FOXN3: variants seen among roughly 807,000 people sequenced by gnomAD.
The protein encoded by FOXN3 is forkhead box N3, also known as forkhead box protein N3.
In FOXN3, 7 loss-of-function variants were observed where a neutral mutation model predicts 38.4. The observed-to-expected ratio is 0.18, with a 90% CI of 0.10 to 0.34. The LOEUF (loss-of-function observed/expected upper bound fraction) is 0.34. FOXN3 is among the 10% of genes least tolerant of loss of function. The pLI, the probability that FOXN3 is intolerant of heterozygous loss-of-function variation, is 1.00. For synonymous variants in FOXN3, 230 were observed against 242.2 expected, an observed-to-expected ratio of 0.95 and a Z score of 0.47; for missense variants, 456 against 613.4, an observed-to-expected ratio of 0.74 and a Z score of 2.71.
intron 4 of FOXN3, 83 bp downstream of exon 4, chr14:89,280,867 C>T (rs2139917341): frequency 8.1e-7 from 1 of 1,232,098 alleles, no homozygotes; most frequent in South Asian, 1.3e-5. Flanking sequence ...CAGAACTGTC[C>T]TATTTGACAC....
At chr14:89,222,851 G>A (rs1407219177) in intron 4 of FOXN3, among the ~76,000 whole-genome samples, 1 of 152,042 alleles carries the variant, frequency 6.6e-6, no homozygotes, top group Non-Finnish European at 1.5e-5. Flanking sequence ...AAATAATTGG[G>A]GGCAAAAGTT....
intron 1 of FOXN3, among the ~76,000 whole-genome samples, chr14:89,476,756 T>C (rs571014681): frequency 6.6e-5 from 10 of 152,296 alleles, no homozygotes; most frequent in Admixed American, 4.6e-4. Context: ...CCGATGCCTG[T>C]TTATCTTTTC....
At chr14:89,291,705 A>C (rs191171006) in intron 3 of FOXN3, 3 of 379,556 alleles carry the variant, frequency 7.9e-6, no homozygotes, top group African/African-American at 6.3e-5. Context: ...CTGAAGTTTC[A>C]TCACATTCCC....
chr14:89,225,346 T>G (rs754278591), intron 4 of FOXN3, among the ~76,000 whole-genome samples: 3 of 151,584 alleles, frequency 2.0e-5, no homozygotes, highest in Non-Finnish European at 2.9e-5. Context: ...GGCTCATGCC[T>G]GTAATCCCAG....
At chr14:89,360,145 C>T (rs917734765) in intron 2 of FOXN3, among the ~76,000 whole-genome samples, 3 of 152,242 alleles carry the variant, frequency 2.0e-5, no homozygotes, top group Non-Finnish European at 4.4e-5. Flanking sequence ...ACTGGCCTTG[C>T]GTTTCTGCCC....
At chr14:89,292,913 T>C (rs369914400) in intron 3 of FOXN3, among the ~76,000 whole-genome samples, 1 of 152,176 alleles carries the variant, frequency 6.6e-6, no homozygotes, top group East Asian at 1.9e-4. Context: ...CTGTTACTTT[T>C]GACAATACTC....
intron 4 of FOXN3, among the ~76,000 whole-genome samples, chr14:89,254,309 G>A (rs573270046): frequency 1.3e-5 from 2 of 152,340 alleles, no homozygotes; most frequent in East Asian, 3.9e-4. Flanking sequence ...AAGGCTGCTT[G>A]AATTGCCTGA....
chr14:89,378,629 CA>C (rs200268431), intron 2 of FOXN3, among the ~76,000 whole-genome samples: 19 of 145,682 alleles, frequency 1.3e-4, no homozygotes, highest in African/African-American at 3.0e-4. Flanking sequence ...CCTTTTGGAA[CA>C]AAAAAAATGC....
chr14:89,184,396 C>T (rs976937161), intron 4 of FOXN3, among the ~76,000 whole-genome samples: 1 of 152,206 alleles, frequency 6.6e-6, no homozygotes, highest in Non-Finnish European at 1.5e-5. Context: ...AAAAGCACCC[C>T]TGGGGAGAGT....
chr14:89,412,421 G>C lies in FOXN3; in HGVS notation c.56C>G (p.Ser19Cys). The change falls in exon 2 of 6, where the codon TCC becomes TGC. Residue 19 changes from serine (S) to cysteine (C), a missense_variant. By Grantham distance (112) the Ser-to-Cys change is moderately radical. Transcript: ENST00000557258. The surrounding 1 kb of genome is among the most constrained non-coding windows in gnomAD (Gnocchi z 4.7). ...KKPESSGISVSSGLSQCYGGS... is the reference protein window; with the variant it reads ...KKPESSGISVCSGLSQCYGGS... ...CCCGTAACACTGACTCAGTCCACTG[G>C]AGACACTAATTCCTGAGCTTTCTGG... is the stretch of plus-strand genomic sequence containing the variant. 1.9e-6 allele frequency: 3 copies of C among 1,613,952 alleles called. No homozygotes were observed. Among genetic ancestry groups the C allele is most frequent in the Non-Finnish European group, 2.5e-6 (3 of 1,179,902 alleles).
intron 4 of FOXN3, among the ~76,000 whole-genome samples, chr14:89,199,928 CAAA>C (rs1566927451): frequency 6.6e-6 from 1 of 151,252 alleles, no homozygotes; most frequent in African/African-American, 2.4e-5. Context: ...ACAACAACAA[CAAA>C]AACAACAACA....
intron 1 of FOXN3, among the ~76,000 whole-genome samples, chr14:89,561,644 T>C (rs538879456): frequency 8.5e-5 from 13 of 152,222 alleles, no homozygotes; most frequent in Non-Finnish European, 1.9e-4. Context: ...AACATTACTA[T>C]TGCTCTGGCT....
At chr14:89,286,509 G>A (rs1235155663) in intron 3 of FOXN3, among the ~76,000 whole-genome samples, 1 of 152,116 alleles carries the variant, frequency 6.6e-6, no homozygotes, top group Non-Finnish European at 1.5e-5. Context: ...TACTCTTAGC[G>A]CTGGAGATGG....
intron 1 of FOXN3, among the ~76,000 whole-genome samples, chr14:89,478,181 C>G (rs781464707): frequency 6.6e-6 from 1 of 152,100 alleles, no homozygotes; most frequent in Non-Finnish European, 1.5e-5. Context: ...CTCCCCTCAC[C>G]TCTTTCTCCC....
At chr14:89,281,139 T>A in intron 3 of FOXN3, 125 bp from the exon 4 acceptor site, 1 of 760,378 alleles carries the variant, frequency 1.3e-6, no homozygotes, top group South Asian at 1.6e-5. Context: ...TGAAAATGCA[T>A]CCTCGAAAAC....
In FOXN3 at chr14:89,156,978, T is replaced by A. The variant is rs2139767720; in HGVS notation, c.*5436A>T. 6.5e-6 allele frequency: 1 copy of A among 152,760 alleles called. No individual in the cohort carries two copies. Among genetic ancestry groups the A allele is most frequent in the South Asian group, 2.1e-4 (1 of 4,826 alleles). The allele number at this position is 152,760 out of a possible 1,614,324, so 9.5% of individuals were successfully genotyped here. ...AATACAATTTCTAGGTTTAATAGGT[T>A]CACCATATCGAAGTCTTTGAGAATC... On this transcript the variant is annotated 3_prime_UTR_variant, in exon 6 of 6. Transcript: ENST00000557258.
At chr14:89,212,869 G>C (rs983975833) in intron 4 of FOXN3, among the ~76,000 whole-genome samples, 1 of 152,088 alleles carries the variant, frequency 6.6e-6, no homozygotes, top group Non-Finnish European at 1.5e-5. Context: ...GTTTGACACC[G>C]CTAAGGAGCA....
chr14:89,423,294 CTTCT>C (rs1891955000), intron 1 of FOXN3, among the ~76,000 whole-genome samples: 2 of 152,218 alleles, frequency 1.3e-5, no homozygotes, highest in African/African-American at 4.8e-5. Context: ...AGGTTCTTAA[CTTCT>C]TTCTATCTAC....
chr14:89,473,546 T>C (rs535294372), intron 1 of FOXN3, among the ~76,000 whole-genome samples: 1 of 152,124 alleles, frequency 6.6e-6, no homozygotes, highest in Non-Finnish European at 1.5e-5. Context: ...TGGTTAATTT[T>C]TTTGTAGAGA....
Sources: allele counts gnomAD v4.1 joint callset (sites outside exome capture counted in the v4.1 genomes callset), GRCh38; gene constraint gnomAD v4.1.1; non-coding constraint Gnocchi (gnomAD v3.1); transcripts MANE v1.5; gene names NCBI Gene and HGNC (gene_info 2026-07-23, HGNC 2026-07-21).